DRC11: variants seen among roughly 807,000 people sequenced by gnomAD.
The protein encoded by DRC11 is IQ and AAA domain-containing protein 1.
the DRC11 span, among the ~76,000 whole-genome samples, chr2:236,342,096 AC>A: frequency 3.9e-5 from 6 of 152,042 alleles, no homozygotes; most frequent in African/African-American, 1.4e-4. This position sits in a 1 kb window ranked among gnomAD's most constrained non-coding sequence, Gnocchi z 5.8. Context: ...GAGGGGCCTC[AC>A]CCAAAGGCAG....
chr2:236,474,175 A>C, the DRC11 span, among the ~76,000 whole-genome samples: 1 of 152,138 alleles, frequency 6.6e-6, no homozygotes, highest in Non-Finnish European at 1.5e-5. Flanking sequence ...ATGGTGTACA[A>C]TTTCAATAGA....
the DRC11 span, among the ~76,000 whole-genome samples, chr2:236,435,939 G>C: frequency 6.6e-6 from 1 of 152,096 alleles, no homozygotes; most frequent in African/African-American, 2.4e-5. Flanking sequence ...GCATTTATGA[G>C]CCAAAGCACA....
chr2:236,364,295 CTTT>C, the DRC11 span, among the ~76,000 whole-genome samples: 3 of 128,610 alleles, frequency 2.3e-5, no homozygotes, highest in Admixed American at 7.8e-5. Flanking sequence ...TTACCTCTGG[CTTT>C]TTTTTTTTTT....
At chr2:236,399,699 C>A in the DRC11 span, among the ~76,000 whole-genome samples, 1 of 152,174 alleles carries the variant, frequency 6.6e-6, no homozygotes, top group African/African-American at 2.4e-5. The surrounding 1 kb of genome is among the most constrained non-coding windows in gnomAD (Gnocchi z 7.0). Context: ...CCTGCTGATA[C>A]CGGCTTTCTC....
At chr2:236,331,353 A>G in the DRC11 span, 1 of 1,599,746 alleles carries the variant, frequency 6.3e-7, no homozygotes, top group Non-Finnish European at 8.6e-7. This position sits in a 1 kb window ranked among gnomAD's most constrained non-coding sequence, Gnocchi z 4.8. Context: ...CAGGGTGTTC[A>G]TTTACCTTAA....
At chr2:236,487,109 A>G in the DRC11 span, among the ~76,000 whole-genome samples, 1 of 152,164 alleles carries the variant, frequency 6.6e-6, no homozygotes, top group Admixed American at 6.5e-5. Flanking sequence ...CTAACCTATA[A>G]TTGTTATTAG....
the DRC11 span, among the ~76,000 whole-genome samples, chr2:236,371,986 A>G: frequency 1.3e-5 from 2 of 152,166 alleles, no homozygotes; most frequent in Non-Finnish European, 2.9e-5. This position sits in a 1 kb window ranked among gnomAD's most constrained non-coding sequence, Gnocchi z 5.1. Context: ...TTCTTGATCA[A>G]TCTGAGTCAA....
At chr2:236,454,238 C>T in the DRC11 span, among the ~76,000 whole-genome samples, 2 of 152,190 alleles carry the variant, frequency 1.3e-5, no homozygotes, top group African/African-American at 2.4e-5. The surrounding 1 kb of genome is among the most constrained non-coding windows in gnomAD (Gnocchi z 5.3). Context: ...TGACTTGGTG[C>T]CCGGATAAAC....
chr2:236,424,672 A>G, the DRC11 span, among the ~76,000 whole-genome samples: 50 of 150,476 alleles, frequency 3.3e-4, 2 homozygotes, highest in Admixed American at 3.0e-3. Flanking sequence ...GAGAACATTT[A>G]CAATCTATTC....
At chr2:236,325,515 T>A in the DRC11 span, among the ~76,000 whole-genome samples, 1 of 152,214 alleles carries the variant, frequency 6.6e-6, no homozygotes, top group African/African-American at 2.4e-5. The surrounding 1 kb of genome is among the most constrained non-coding windows in gnomAD (Gnocchi z 4.4). Context: ...GTTGTAGGGT[T>A]TGAACATCTT....
At chr2:236,332,835 G>A in the DRC11 span, 1 of 152,268 alleles carries the variant, frequency 6.6e-6, no homozygotes, top group African/African-American at 2.4e-5. The surrounding 1 kb of genome is among the most constrained non-coding windows in gnomAD (Gnocchi z 5.1). Context: ...GGTGAGCTGA[G>A]CTGCTGGGAA....
At chr2:236,457,573 T>C in the DRC11 span, among the ~76,000 whole-genome samples, 1 of 152,186 alleles carries the variant, frequency 6.6e-6, no homozygotes, top group Non-Finnish European at 1.5e-5. This position sits in a 1 kb window ranked among gnomAD's most constrained non-coding sequence, Gnocchi z 4.7. Flanking sequence ...TGGTATCATA[T>C]ATGGAAAAAG....
the DRC11 span, among the ~76,000 whole-genome samples, chr2:236,360,031 G>C: frequency 6.6e-6 from 1 of 152,236 alleles, no homozygotes; most frequent in East Asian, 1.9e-4. The surrounding 1 kb of genome is among the most constrained non-coding windows in gnomAD (Gnocchi z 5.8). Flanking sequence ...TCGCTTATCT[G>C]GTATCAAGAC....
chr2:236,492,437 C>T, the DRC11 span, among the ~76,000 whole-genome samples: 1 of 152,310 alleles, frequency 6.6e-6, no homozygotes, highest in African/African-American at 2.4e-5. Context: ...CTCCTGCCAT[C>T]CTCAGCATAC....
chr2:236,330,670 G>A, the DRC11 span, among the ~76,000 whole-genome samples: 1 of 152,196 alleles, frequency 6.6e-6, no homozygotes, highest in Non-Finnish European at 1.5e-5. The surrounding 1 kb of genome is among the most constrained non-coding windows in gnomAD (Gnocchi z 5.5). Flanking sequence ...GTGGTCTTCA[G>A]TTGCATGCAT....
the DRC11 span, among the ~76,000 whole-genome samples, chr2:236,314,295 G>C: frequency 6.6e-6 from 1 of 152,150 alleles, no homozygotes; most frequent in Admixed American, 6.5e-5. This position sits in a 1 kb window ranked among gnomAD's most constrained non-coding sequence, Gnocchi z 4.5. Flanking sequence ...TTTGCTACAA[G>C]TCCACAACCA....
At chr2:236,395,647 CAT>C in the DRC11 span, among the ~76,000 whole-genome samples, 2 of 152,138 alleles carry the variant, frequency 1.3e-5, no homozygotes, top group African/African-American at 2.4e-5. Flanking sequence ...AGTGATAAAA[CAT>C]AGGAAAAGGA....
At chr2:236,418,243 C>A in the DRC11 span, among the ~76,000 whole-genome samples, 1 of 152,148 alleles carries the variant, frequency 6.6e-6, no homozygotes, top group South Asian at 2.1e-4. Context: ...TCTGTTGTTT[C>A]CACACTTTTT....
chr2:236,443,126 T>A, the DRC11 span, among the ~76,000 whole-genome samples: 2 of 152,190 alleles, frequency 1.3e-5, no homozygotes, highest in African/African-American at 4.8e-5. The surrounding 1 kb of genome is among the most constrained non-coding windows in gnomAD (Gnocchi z 4.4). Context: ...CTGAATAATA[T>A]TATTTTTTAC....
Sources: gnomAD v4.1 joint callset for allele counts (sites outside exome capture counted in the v4.1 genomes callset) on GRCh38, gnomAD v4.1.1 for gene constraint, Gnocchi (gnomAD v3.1) non-coding constraint, MANE v1.5 for transcripts, NCBI Gene and HGNC (gene_info 2026-07-23, HGNC 2026-07-21) for gene names.